PCSK5: variants seen among roughly 807,000 people sequenced by gnomAD.
PCSK5 encodes the protein prohormone convertase 5.
A neutral mutation model predicts 233.2 loss-of-function variants in PCSK5; 129 were observed. That is an observed-to-expected ratio of 0.55 (90% confidence interval 0.48 to 0.64). The LOEUF (loss-of-function observed/expected upper bound fraction) is 0.64. Ranked by LOEUF, PCSK5 falls within the 30% of genes least tolerant of loss-of-function variation. The pLI is 0.00. For missense variants in PCSK5, 2,076 were observed against 2,430.1 expected (o/e 0.85, Z 3.06); for synonymous variants, 825 against 879.2 (o/e 0.94, Z 1.09).
intron 5 of PCSK5, among the ~76,000 whole-genome samples, chr9:76,039,497 A>G (rs1829004772): frequency 6.6e-6 from 1 of 152,236 alleles, no homozygotes; most frequent in African/African-American, 2.4e-5. Context: ...TTGGAGGGAA[A>G]CAGAAAAATG....
chr9:75,976,305 C>G (rs943197006), intron 2 of PCSK5, among the ~76,000 whole-genome samples: 5 of 95,996 alleles, frequency 5.2e-5, no homozygotes, highest in Non-Finnish European at 8.5e-5. Context: ...CACACACACA[C>G]ACACACACAC....
At chr9:76,239,443 C>T (rs986213) in intron 23 of PCSK5, among the ~76,000 whole-genome samples, 124,133 of 152,100 alleles carry the variant, frequency 0.82, 50,985 homozygotes, top group East Asian at 0.99. Flanking sequence ...GCCTGTAATC[C>T]CAGCACTTTG....
chr9:75,972,609 A>G (rs1009618506), intron 2 of PCSK5, among the ~76,000 whole-genome samples: 5 of 152,066 alleles, frequency 3.3e-5, no homozygotes, highest in Admixed American at 1.3e-4. Flanking sequence ...CTTGTTGGCT[A>G]TATTCCTAGG....
chr9:76,225,682 T>C (rs1340652187), intron 20 of PCSK5, among the ~76,000 whole-genome samples: 2 of 152,336 alleles, frequency 1.3e-5, no homozygotes, highest in East Asian at 3.9e-4. Flanking sequence ...ACTATGATGA[T>C]GCCTGTAGTC....
intron 35 of PCSK5, among the ~76,000 whole-genome samples, chr9:76,344,875 C>A (rs1029529861): frequency 6.6e-6 from 1 of 152,104 alleles, no homozygotes. Context: ...TGTCTCTTAC[C>A]GTCAACCAAT....
At chr9:75,897,221 G>A (rs917465415) in intron 1 of PCSK5, among the ~76,000 whole-genome samples, 7 of 152,178 alleles carry the variant, frequency 4.6e-5, no homozygotes, top group Admixed American at 4.6e-4. Context: ...GCACTCAGAA[G>A]AGAATAACAA....
Position 76,153,175 on chromosome 9 carries a change from G to A in PCSK5, c.1313-3870G>A, listed in dbSNP as rs141313871. 3.7e-3 allele frequency among the ~76,000 whole-genome samples: 567 copies of A among 152,232 alleles called. 5 individuals are homozygous for A. The highest frequency in any genetic ancestry group is 0.013 in the African/African-American group (542 of 41,546). ...ACAGATATAACAGTAGGCAAGTTTT[G>A]CAAACCTCCTTTATTGAAACAGAGC... On this transcript the variant is annotated intron_variant, in intron 10 of 37. Coordinates refer to ENST00000674117, the MANE Select transcript of PCSK5 (RefSeq NM_001372043.1).
At chr9:75,956,180 G>A (rs987770283) in intron 2 of PCSK5, among the ~76,000 whole-genome samples, 1 of 152,176 alleles carries the variant, frequency 6.6e-6, no homozygotes, top group Non-Finnish European at 1.5e-5. Context: ...TGCCCTGTTT[G>A]TTACCTTCTG....
intron 10 of PCSK5, among the ~76,000 whole-genome samples, chr9:76,141,844 T>C (rs965132665): frequency 6.6e-6 from 1 of 152,134 alleles, no homozygotes; most frequent in African/African-American, 2.4e-5. Flanking sequence ...TGGATGGAGC[T>C]GGAGGCCATT....
chr9:75,967,696 A>G (rs568370154), intron 2 of PCSK5, among the ~76,000 whole-genome samples: 2 of 152,292 alleles, frequency 1.3e-5, no homozygotes, highest in South Asian at 4.1e-4. Flanking sequence ...CTCTGTTGCT[A>G]AAGACATGTC....
At chr9:76,326,856 A>C (rs1829375641) in intron 32 of PCSK5, among the ~76,000 whole-genome samples, 1 of 152,196 alleles carries the variant, frequency 6.6e-6, no homozygotes, top group African/African-American at 2.4e-5. Flanking sequence ...GGAGATAGGC[A>C]GGATGGAGAT....
At chr9:76,128,690 G>A (rs1347627785) in intron 9 of PCSK5, among the ~76,000 whole-genome samples, 1 of 152,152 alleles carries the variant, frequency 6.6e-6, no homozygotes, top group Non-Finnish European at 1.5e-5. Context: ...TTGGTTTAGA[G>A]TAAATCCAGG....
intron 24 of PCSK5, among the ~76,000 whole-genome samples, chr9:76,279,757 GTTGT>G (rs1488142182): frequency 4.6e-5 from 7 of 151,728 alleles, no homozygotes; most frequent in Non-Finnish European, 2.9e-5. Context: ...TTTTGATGGG[GTTGT>G]TTGTTTTTTT....
chr9:76,352,259 G>A (rs923996293), intron 36 of PCSK5, among the ~76,000 whole-genome samples: 4 of 152,116 alleles, frequency 2.6e-5, no homozygotes, highest in African/African-American at 4.8e-5. Context: ...AAACTGCCAC[G>A]GCGCTGGTGG....
Position 76,358,982 on chromosome 9 carries a change from G to A in PCSK5, c.*60G>A. 2 of 1,502,892 alleles carry A rather than the reference G, an allele frequency of 1.3e-6. No homozygotes were observed. The highest frequency in any genetic ancestry group is 1.8e-6 in the Non-Finnish European group (2 of 1,098,690). The allele number at this position is 1,502,892 out of a possible 1,614,324, so 93.1% of individuals were successfully genotyped here. On this transcript the variant is annotated 3_prime_UTR_variant, in exon 38 of 38. Coordinates refer to ENST00000674117, the MANE Select transcript of PCSK5 (RefSeq NM_001372043.1). ...CTCAGGCATGCCTGTGAGCATCACT[G>A]TTTTTGGTTTTATCCCCACACCAGG... is the stretch of plus-strand genomic sequence containing the variant.
rs566400382 is a variant in PCSK5 at position 76,157,801 on chromosome 9, T to G, written c.1430+639T>G. On this transcript the variant is annotated intron_variant, in intron 11 of 37. Transcript: ENST00000674117. ...AGTAAATCAACTAAAGTTGTTTGAG[T>G]TTATTTTCATTCTACTCTTGTGGCA... Among the ~76,000 whole-genome samples, 94 of 152,336 alleles carry G rather than the reference T, an allele frequency of 6.2e-4. 2 individuals carry two copies. The highest frequency in any genetic ancestry group is 2.2e-3 in the African/African-American group (92 of 41,582).
chr9:75,995,807 T>C (rs1053461948), intron 3 of PCSK5, among the ~76,000 whole-genome samples: 7 of 151,918 alleles, frequency 4.6e-5, no homozygotes, highest in African/African-American at 1.5e-4. Flanking sequence ...TCTTGTTCTC[T>C]TCCCAATGAT....
intron 10 of PCSK5, among the ~76,000 whole-genome samples, chr9:76,145,199 A>T (rs997953499): frequency 2.0e-5 from 3 of 152,230 alleles, no homozygotes; most frequent in Non-Finnish European, 1.5e-5. Flanking sequence ...CAAAGTTTGA[A>T]GTAAAATCTC....
At chr9:76,358,049 T>C (rs1164819821) in intron 37 of PCSK5, among the ~76,000 whole-genome samples, 1 of 152,210 alleles carries the variant, frequency 6.6e-6, no homozygotes, top group Admixed American at 6.5e-5. Context: ...GTTGATAATG[T>C]TGGACACCTG....
Sources: gnomAD v4.1 joint callset for allele counts (sites outside exome capture counted in the v4.1 genomes callset) on GRCh38, gnomAD v4.1.1 for gene constraint, MANE v1.5 for transcripts, NCBI Gene and HGNC (gene_info 2026-07-23, HGNC 2026-07-21) for gene names.